Variants in USP38 observed in about 807,000 individuals in gnomAD.
The protein encoded by USP38 is ubiquitin specific peptidase 38.
USP38 carries 49 observed loss-of-function variants against 94.3 expected under a neutral mutation model. That is an observed-to-expected ratio of 0.52 (90% CI 0.41 to 0.66). USP38 has a LOEUF of 0.66. Among genes scored for constraint, USP38 ranks in the 30% least tolerant of loss-of-function variants. The probability of loss-of-function intolerance (pLI) is 0.00; values close to 1 mark genes in which losing one functional copy is unlikely to be tolerated. For synonymous variants in USP38, 468 were observed against 463.6 expected, an observed-to-expected ratio of 1.01 and a Z score of -0.12; for missense variants, 1,128 against 1,229.4, an observed-to-expected ratio of 0.92 and a Z score of 1.23.
intron 2 of USP38, among the ~76,000 whole-genome samples, chr4:143,191,867 A>G (rs1731405306): frequency 1.3e-5 from 2 of 152,224 alleles, no homozygotes; most frequent in African/African-American, 2.4e-5. Context: ...TCAAATTGAT[A>G]ATCACTGATA....
chr4:143,195,895 A>T (rs773560251), intron 3 of USP38, 50 bp downstream of exon 3: 10 of 1,489,538 alleles, frequency 6.7e-6, no homozygotes, highest in Non-Finnish European at 9.0e-6. Context: ...CATAAAATCA[A>T]TATTTTTTTC....
intron 2 of USP38, among the ~76,000 whole-genome samples, chr4:143,193,050 G>T (rs770466595): frequency 6.6e-6 from 1 of 152,066 alleles, no homozygotes; most frequent in African/African-American, 2.4e-5. Context: ...GCCCTGTCTG[G>T]TTCTGCTCTG....
chr4:143,187,825 G>C lies in USP38; in HGVS notation c.683-1G>C. 6.2e-7 allele frequency: 1 copy of C among 1,604,020 alleles called. No individual in the cohort carries two copies. The highest frequency in any genetic ancestry group is 8.5e-7 in the Non-Finnish European group (1 of 1,176,202). ...CCTTTTCTTTTTAATTGAAAAAACA[G>C]ATGCATCATTTGAACCTTCTGTAGC... On this transcript the variant is annotated splice_acceptor_variant, in intron 1 of 9. Coordinates refer to ENST00000307017, the MANE Select transcript of USP38 (RefSeq NM_032557.6). LOFTEE classifies it high-confidence loss of function.
At chr4:143,199,212 C>T (rs192829626) in intron 4 of USP38, among the ~76,000 whole-genome samples, 182 of 152,212 alleles carry the variant, frequency 1.2e-3, no homozygotes, top group African/African-American at 4.0e-3. Flanking sequence ...ATTTAGCTCC[C>T]GCTTATAAGT....
In USP38 at chr4:143,206,304, T is replaced by C. The variant is rs991132041; in HGVS notation, c.1403+78T>C. 4 of 1,235,936 alleles carry C rather than the reference T, an allele frequency of 3.2e-6. No individual in the cohort carries two copies. The Admixed American group carries it at 1.0e-4, about 32-fold the overall frequency. 76.6% of individuals were successfully genotyped at this position (1,235,936 alleles called of 1,614,324 possible). On this transcript the variant is annotated intron_variant, in intron 6 of 9. Transcript: ENST00000307017. ...GATGAAATATAAGATGATAGAATTG[T>C]CTACACATTATTCCTTATAAATGGC...
intron 2 of USP38, among the ~76,000 whole-genome samples, chr4:143,192,289 G>C (rs569489181): frequency 6.6e-6 from 1 of 152,214 alleles, no homozygotes; most frequent in South Asian, 2.1e-4. Context: ...ATTTCCCACA[G>C]TTCTGGAGGC....
chr4:143,207,491 T>C (rs980462651), intron 6 of USP38, among the ~76,000 whole-genome samples: 1 of 152,132 alleles, frequency 6.6e-6, no homozygotes. Flanking sequence ...TGAGCCAAGA[T>C]TGTGCCACTG....
At chr4:143,205,526 TC>T (rs919797897) in intron 5 of USP38, among the ~76,000 whole-genome samples, 1 of 152,226 alleles carries the variant, frequency 6.6e-6, no homozygotes. Context: ...ATAGATGCTT[TC>T]ATTTCTCATT....
intron 5 of USP38, among the ~76,000 whole-genome samples, chr4:143,204,887 G>A (rs1361089298): frequency 6.6e-6 from 1 of 152,184 alleles, no homozygotes; most frequent in African/African-American, 2.4e-5. Context: ...CTTTACTTCT[G>A]TATCTGAGGT....
At position 143,203,549 on chromosome 4, in the gene USP38, A is replaced by G. The variant is rs774073777; in HGVS notation, c.1192A>G (p.Ile398Val). Residue 398 changes from isoleucine to valine, a missense_variant, in exon 5 of 10, where the codon ATT becomes GTT. Physicochemically the swap from Ile to Val is conservative, Grantham distance 29. Transcript: ENST00000307017. ...TGGATTTCCAGATCTCTATGAACCT[A>G]TTCTGGAGGCAATAAAGGTATGATG... The part of the protein sequence containing the change: ...YSGFPDLYEP[I>V]LEAIKDFPKP... The G allele has an allele frequency of 1.9e-6, 3 of 1,611,220 alleles. No homozygotes were observed. The South Asian group carries it at 3.3e-5, about 18-fold the overall frequency.
chr4:143,206,305 C>A, intron 6 of USP38, 79 bp downstream of exon 6: 1 of 1,228,956 alleles, frequency 8.1e-7, no homozygotes, highest in Non-Finnish European at 1.1e-6. Flanking sequence ...ATAGAATTGT[C>A]TACACATTAT....
At chr4:143,192,111 C>G (rs1318135116) in intron 2 of USP38, among the ~76,000 whole-genome samples, 3 of 152,134 alleles carry the variant, frequency 2.0e-5, no homozygotes, top group Admixed American at 2.0e-4. Flanking sequence ...ACTTTTCTTT[C>G]CTTTTTAAGG....
At chr4:143,206,774 T>G (rs1225644055) in intron 6 of USP38, among the ~76,000 whole-genome samples, 2 of 152,356 alleles carry the variant, frequency 1.3e-5, no homozygotes, top group East Asian at 3.9e-4. Flanking sequence ...CCAAAGAGTT[T>G]AAGTGTGCTA....
At chr4:143,216,105 G>C (rs547652873) in intron 9 of USP38, among the ~76,000 whole-genome samples, 1 of 152,014 alleles carries the variant, frequency 6.6e-6, no homozygotes, top group African/African-American at 2.4e-5. Context: ...CCAAATGCTT[G>C]TATAGCCATA....
intron 1 of USP38, among the ~76,000 whole-genome samples, chr4:143,186,877 C>T (rs914189248): frequency 1.3e-5 from 2 of 152,082 alleles, no homozygotes; most frequent in African/African-American, 2.4e-5. Flanking sequence ...TGTTCATTTC[C>T]GCTCTACTTG....
At chr4:143,211,964 G>A (rs1283463626) in intron 7 of USP38, among the ~76,000 whole-genome samples, 4 of 152,016 alleles carry the variant, frequency 2.6e-5, no homozygotes, top group African/African-American at 4.8e-5. Flanking sequence ...TCAAAAAATT[G>A]TGGACTCAAA....
rs1561235278 is a variant in USP38 at position 143,185,869 on chromosome 4, A to G, written c.419A>G (p.Glu140Gly). The G allele has an allele frequency of 1.2e-6, 2 of 1,614,136 alleles. No homozygotes were observed. Reference sequence around the variant, plus strand: ...TTACGGATGGTGTGTGAGAGGCCGGAGCCGCAGCTCTGTGCCCGACTGAGC... The same window carrying G: ...TTACGGATGGTGTGTGAGAGGCCGGGGCCGCAGCTCTGTGCCCGACTGAGC... The part of the protein sequence containing the change: ...EVLRMVCERP[E>G]PQLCARLSDL... The change falls in exon 1 of 10, where the codon GAG becomes GGG. Residue 140 changes from glutamate (E) to glycine (G), a missense_variant. Glu to Gly is a moderately conservative substitution (Grantham distance 98). Coordinates refer to ENST00000307017, the MANE Select transcript of USP38 (RefSeq NM_032557.6).
chr4:143,185,067 C>T lies in USP38; in HGVS notation c.-384C>T, dbSNP rs556790080. 1.7e-3 allele frequency: 320 copies of T among 187,064 alleles called. 1 individual carries two copies. Among genetic ancestry groups the T allele is most frequent in the African/African-American group, 7.0e-3 (297 of 42,198 alleles). The allele number at this position is 187,064 out of a possible 1,614,324, so 11.6% of individuals were successfully genotyped here. A position where few individuals can be genotyped will look rare whatever the true frequency, so the allele number is the denominator to read the frequency against. On this transcript the variant is annotated 5_prime_UTR_variant, in exon 1 of 10. Coordinates refer to ENST00000307017, the MANE Select transcript of USP38 (RefSeq NM_032557.6). ...GGACGCCCACACCTGACCCGGAACT[C>T]GGAGGCGTGCTTCCTCCACCCGCCG...
At chr4:143,207,106 T>C (rs184848578) in intron 6 of USP38, among the ~76,000 whole-genome samples, 71 of 152,354 alleles carry the variant, frequency 4.7e-4, no homozygotes, top group Non-Finnish European at 4.0e-4. Flanking sequence ...CGATAAACTT[T>C]TCCTGAAGAC....
Sources: gnomAD v4.1 joint callset for allele counts (sites outside exome capture counted in the v4.1 genomes callset) on GRCh38, gnomAD v4.1.1 for gene constraint, MANE v1.5 for transcripts, NCBI Gene and HGNC (gene_info 2026-07-23, HGNC 2026-07-21) for gene names.